ZNF207: variants seen among roughly 807,000 people sequenced by gnomAD.
ZNF207 encodes the protein zinc finger protein 207.
In ZNF207, 24 loss-of-function variants were observed where a neutral mutation model predicts 60.2. The ratio of observed to expected loss-of-function variants is 0.40; its 90% confidence interval spans 0.29 to 0.56. The LOEUF (loss-of-function observed/expected upper bound fraction) is 0.56. ZNF207 is among the 20% of genes least tolerant of loss of function. The probability of loss-of-function intolerance (pLI) is 0.49; values close to 1 mark genes in which losing one functional copy is unlikely to be tolerated. For synonymous variants in ZNF207, 236 were observed against 194.7 expected, an observed-to-expected ratio of 1.21 and a Z score of -1.77; for missense variants, 452 against 636.6, an observed-to-expected ratio of 0.71 and a Z score of 3.12.
At chr17:32,367,251 A>ATATT (rs1177777054) in intron 9 of ZNF207, among the ~76,000 whole-genome samples, 4 of 88,108 alleles carry the variant, frequency 4.5e-5, no homozygotes, top group Admixed American at 1.1e-4. Context: ...ATATATATAT[A>ATATT]TATATATATA....
Position 32,357,333 on chromosome 17 carries a change from A to ATTTT in ZNF207, c.169-1168_169-1167insTTTT, listed in dbSNP as rs1313202545. The stretch of plus-strand genomic sequence containing the variant: ...TCTAATTATTATTATTATTATTATT[A>ATTTT]TTATTATTATTATTATTATTTTTTT... On this transcript the variant is annotated intron_variant, in intron 2 of 11. Coordinates refer to ENST00000394670, the MANE Select transcript of ZNF207 (RefSeq NM_001098507.2). Among the ~76,000 whole-genome samples, 9 of 89,156 alleles carry ATTTT rather than the reference A, an allele frequency of 1.0e-4. 1 individual carries two copies. The highest frequency in any genetic ancestry group is 3.7e-4 in the African/African-American group (8 of 21,536). The allele number at this position is 89,156 out of a possible 152,430, so 58.5% of individuals were successfully genotyped here.
chr17:32,353,403 A>C (rs1904315148), intron 2 of ZNF207, among the ~76,000 whole-genome samples: 1 of 152,134 alleles, frequency 6.6e-6, no homozygotes. Context: ...GGTGGGAGGT[A>C]GGGAGACGTG....
chr17:32,355,261 G>T (rs965663669), intron 2 of ZNF207, among the ~76,000 whole-genome samples: 3 of 152,112 alleles, frequency 2.0e-5, no homozygotes, highest in African/African-American at 4.8e-5. Context: ...ATGGTGGCAC[G>T]TGCCTGTGTC....
At chr17:32,368,062 T>C (rs1317026283) in intron 10 of ZNF207, 48 bp downstream of exon 10, 2 of 1,606,818 alleles carry the variant, frequency 1.2e-6, no homozygotes, top group African/African-American at 2.7e-5. Flanking sequence ...TTAAAGCCAT[T>C]ATAGCAGTTC....
At chr17:32,351,719 T>A in intron 1 of ZNF207, 67 bp from the exon 2 acceptor site, 2 of 1,611,058 alleles carry the variant, frequency 1.2e-6, no homozygotes, top group Non-Finnish European at 1.7e-6. Flanking sequence ...TGTAATGTTA[T>A]CCATATGTTT....
chr17:32,373,439 C>G lies in ZNF207; in HGVS notation c.*3680C>G. The G allele has an allele frequency of 1.5e-6, 1 of 667,696 alleles. No homozygotes were observed. Among genetic ancestry groups the G allele is most frequent in the Non-Finnish European group, 2.7e-6 (1 of 366,732 alleles). 41.4% of individuals were successfully genotyped at this position (667,696 alleles called of 1,614,324 possible). On this transcript the variant is annotated 3_prime_UTR_variant, in exon 12 of 12. Coordinates refer to ENST00000394670, the MANE Select transcript of ZNF207 (RefSeq NM_001098507.2). ...GGCTGAGGCTGAGTCTCAGTGTTGC[C>G]CTGTTCAGTCTGAGGCAAGTGGGAT...
At chr17:32,353,670 C>T (rs555124865) in intron 2 of ZNF207, among the ~76,000 whole-genome samples, 582 of 3,846 alleles carry the variant, frequency 0.15, 5 homozygotes, top group African/African-American at 0.33. Flanking sequence ...GTCCTGGCTA[C>T]GGGGGCGGGG....
chr17:32,369,206 T>C (rs1339799305), intron 10 of ZNF207, 89 bp from the exon 11 acceptor site: 46 of 1,478,434 alleles, frequency 3.1e-5, no homozygotes, highest in Non-Finnish European at 4.0e-5. Context: ...AAAATTACTC[T>C]TAACGTTGTA....
rs1362346318 is a variant in ZNF207 at position 32,370,036 on chromosome 17, A to G, written c.*277A>G. On this transcript the variant is annotated 3_prime_UTR_variant, in exon 12 of 12. Transcript: ENST00000394670. ...TGAAGTATAGTAAATTTGGTTCGTTAAATTGTGAAGGCGCTGGAATTACAT... is the reference window on the plus strand; with the variant it reads ...TGAAGTATAGTAAATTTGGTTCGTTGAATTGTGAAGGCGCTGGAATTACAT... 1 of 269,550 alleles carries G rather than the reference A, an allele frequency of 3.7e-6. No homozygotes were observed. The highest frequency in any genetic ancestry group is 6.8e-6 in the Non-Finnish European group (1 of 147,754). The allele number at this position is 269,550 out of a possible 1,614,324, so 16.7% of individuals were successfully genotyped here.
intron 7 of ZNF207, among the ~76,000 whole-genome samples, chr17:32,364,940 T>C (rs1334340338): frequency 2.0e-5 from 3 of 152,238 alleles, no homozygotes; most frequent in Admixed American, 1.3e-4. Context: ...GAAAAGTTTT[T>C]ATTGTTCATG....
At position 32,373,202 on chromosome 17, in the gene ZNF207, A is replaced by C. The variant is rs937872518; in HGVS notation, c.*3443A>C. 2 of 326,220 alleles carry C rather than the reference A, an allele frequency of 6.1e-6. No homozygotes were observed. The highest frequency in any genetic ancestry group is 7.6e-5 in the African/African-American group (2 of 26,356). The allele number at this position is 326,220 out of a possible 1,614,324, so 20.2% of individuals were successfully genotyped here. A position where few individuals can be genotyped will look rare whatever the true frequency, so the allele number is the denominator to read the frequency against. On this transcript the variant is annotated 3_prime_UTR_variant, in exon 12 of 12. Coordinates refer to ENST00000394670, the MANE Select transcript of ZNF207 (RefSeq NM_001098507.2). ...CTTAGACTCACCTTAATTAAACTTA[A>C]TTAATTGGGGAGGGGGATTCCCCAA...
Position 32,367,927 on chromosome 17 carries a change from A to T in ZNF207, c.1077A>T (p.Pro359=), listed in dbSNP as rs1465804729. ...TSTTNSTAAK[P]AASITSKPAT... is the part of the protein sequence containing the mutation. ...CAACAAATAGTACTGCAGCTAAACC[A>T]GCGGCTTCAATAACAAGTAAGCCTG... Residue 359 remains proline (P), a synonymous_variant, in exon 10 of 12, where the codon CCA becomes CCT. Coordinates refer to ENST00000394670, the MANE Select transcript of ZNF207 (RefSeq NM_001098507.2). The T allele has an allele frequency of 6.2e-7, 1 of 1,614,082 alleles. No individual in the cohort carries two copies. The highest frequency in any genetic ancestry group is 1.3e-5 in the African/African-American group (1 of 74,936).
At chr17:32,359,647 A>G (rs1009700311) in intron 3 of ZNF207, among the ~76,000 whole-genome samples, 2 of 152,020 alleles carry the variant, frequency 1.3e-5, no homozygotes, top group East Asian at 3.9e-4. Context: ...TCACACCTGT[A>G]ATCCCAGCAC....
Position 32,355,595 on chromosome 17 carries a change from G to A in ZNF207, c.169-2908G>A, listed in dbSNP as rs910953047. ...TAAAACAGGAGATAGAAATTTGGAC[G>A]CATACAATGTAAGGGTGGCTAGTTT... On this transcript the variant is annotated intron_variant, in intron 2 of 11. Coordinates refer to ENST00000394670, the MANE Select transcript of ZNF207 (RefSeq NM_001098507.2). Among the ~76,000 whole-genome samples, 3 of 152,136 alleles carry A rather than the reference G, an allele frequency of 2.0e-5. No homozygotes were observed. In the South Asian group the frequency reaches 6.2e-4, roughly 32 times the overall value.
rs1905862871 is a variant in ZNF207 at position 32,381,020 on chromosome 17, TTAA to T, written c.*11268_*11270del. On this transcript the variant is annotated 3_prime_UTR_variant, in exon 12 of 12. Transcript: ENST00000394670. ...GGAGTCTATTCCCTGGGATGTTCTA[TTAA>T]TAATAAAGTGATAATAAATGAAGGT... 6.6e-6 allele frequency: 1 copy of T among 152,154 alleles called. No individual in the cohort carries two copies. The allele number at this position is 152,154 out of a possible 1,614,324, so 9.4% of individuals were successfully genotyped here.
At position 32,380,016 on chromosome 17, in the gene ZNF207, C is replaced by G. The variant is rs1381466523; in HGVS notation, c.*10257C>G. ...CAACTGTGATGCTTTTTAGTATGAA[C>G]AATGATAGTTTTCTAAAATCTGAAA... On this transcript the variant is annotated 3_prime_UTR_variant, in exon 12 of 12. Transcript: ENST00000394670. 2.6e-5 allele frequency: 4 copies of G among 152,330 alleles called. No individual in the cohort carries two copies. Among genetic ancestry groups the G allele is most frequent in the African/African-American group, 9.6e-5 (4 of 41,544 alleles). The allele number at this position is 152,330 out of a possible 1,614,324, so 9.4% of individuals were successfully genotyped here. A position where few individuals can be genotyped will look rare whatever the true frequency, so the allele number is the denominator to read the frequency against.
Position 32,367,836 on chromosome 17 carries a change from C to T in ZNF207, c.986C>T (p.Thr329Ile). 1.9e-6 allele frequency: 3 copies of T among 1,614,126 alleles called. No homozygotes were observed. Among genetic ancestry groups the T allele is most frequent in the African/African-American group, 1.3e-5 (1 of 75,028 alleles). ...AAACCCTTAAATAGTACCCCTGCAA[C>T]AACTACAGAACCCCCAAAGCCTACA... ...DFKPLNSTPA[T>I]TTEPPKPTFP... The change falls in exon 10 of 12, where the codon ACA (threonine) becomes ATA (isoleucine). Residue 329 changes from threonine (T) to isoleucine (I), a missense_variant. By Grantham distance (89) the Thr-to-Ile change is moderately conservative. Around this residue, in one of 2 missense-constraint regions of ZNF207, gnomAD observed 390 missense variants for 461.4 expected, o/e 0.85. Coordinates refer to ENST00000394670, the MANE Select transcript of ZNF207 (RefSeq NM_001098507.2).
intron 10 of ZNF207, 186 bp downstream of exon 10, chr17:32,368,200 G>A: frequency 1.2e-6 from 1 of 863,394 alleles, no homozygotes; most frequent in Non-Finnish European, 1.7e-6. Context: ...GATATTGCAT[G>A]TTTTGGTCTT....
chr17:32,351,574 G>A, intron 1 of ZNF207: 1 of 1,533,294 alleles, frequency 6.5e-7, no homozygotes, highest in East Asian at 2.4e-5. Flanking sequence ...TGTTTTTTGG[G>A]GTGGTGAAGA....
Sources: allele counts gnomAD v4.1 joint callset (sites outside exome capture counted in the v4.1 genomes callset), GRCh38; gene constraint gnomAD v4.1.1; regional missense constraint gnomAD v4.1.1; transcripts MANE v1.5; gene names NCBI Gene and HGNC (gene_info 2026-07-23, HGNC 2026-07-21).